The following KCNMB2 variants were observed in gnomAD, a reference collection of about 807,000 sequenced individuals.
The protein encoded by KCNMB2 is potassium calcium-activated channel subfamily M regulatory beta subunit 2.
KCNMB2 carries 9 observed loss-of-function variants against 24.5 expected under a neutral mutation model. That is an observed-to-expected ratio of 0.37 (90% CI 0.22 to 0.64). KCNMB2 has a LOEUF of 0.64. Ranked by LOEUF, KCNMB2 falls within the 30% of genes least tolerant of loss-of-function variation. The pLI is 0.63. For missense variants in KCNMB2, 226 were observed against 284.3 expected (o/e 0.79, Z 1.47); for synonymous variants, 109 against 104.4 (o/e 1.04, Z -0.27).
chr3:178,803,964 A>G (rs1713868604), intron 1 of KCNMB2, among the ~76,000 whole-genome samples: 1 of 152,138 alleles, frequency 6.6e-6, no homozygotes, highest in South Asian at 2.1e-4. Context: ...TAAGCTTTGA[A>G]TTTTCACATC....
intron 2 of KCNMB2, among the ~76,000 whole-genome samples, chr3:178,813,228 T>C (rs1714265310): frequency 6.6e-6 from 1 of 152,186 alleles, no homozygotes; most frequent in Admixed American, 6.5e-5. Context: ...ATTGAATTTA[T>C]TGACTAACTG....
chr3:178,584,035 G>A (rs1252562382), intron 1 of KCNMB2, among the ~76,000 whole-genome samples: 1 of 152,202 alleles, frequency 6.6e-6, no homozygotes, highest in African/African-American at 2.4e-5. Flanking sequence ...GTCATGTTTT[G>A]TAATGTCTAA....
chr3:178,700,596 C>G (rs997321848), intron 1 of KCNMB2, among the ~76,000 whole-genome samples: 4 of 152,190 alleles, frequency 2.6e-5, no homozygotes, highest in African/African-American at 9.7e-5. Context: ...TGGCCATTTC[C>G]TTACAGAAAA....
At chr3:178,778,722 G>A (rs149852860) in intron 1 of KCNMB2, among the ~76,000 whole-genome samples, 1 of 152,314 alleles carries the variant, frequency 6.6e-6, no homozygotes, top group African/African-American at 2.4e-5. Flanking sequence ...GGACTAGCCA[G>A]TTAGGCTCTC....
rs200839032 is a variant in KCNMB2 at position 178,815,124 on chromosome 3, T to A, written c.56+7659T>A. 4.6e-5 allele frequency among the ~76,000 whole-genome samples: 7 copies of A among 152,160 alleles called. No homozygotes were observed. In the East Asian group the frequency reaches 1.2e-3, roughly 25 times the overall value. The stretch of plus-strand genomic sequence containing the variant: ...ACTTTGGTTTCAGCAACTATACTAG[T>A]TTTTGTTTGTTTTTTGTTTTGTTTT... On this transcript the variant is annotated intron_variant, in intron 2 of 4. Transcript: ENST00000452583.
chr3:178,714,903 G>GA (rs1374713969), intron 1 of KCNMB2, among the ~76,000 whole-genome samples: 2 of 152,148 alleles, frequency 1.3e-5, no homozygotes, highest in Non-Finnish European at 2.9e-5. Context: ...CTTCTGTTTA[G>GA]AAAAAACAGC....
At chr3:178,788,725 T>C (rs1390948993) in intron 1 of KCNMB2, among the ~76,000 whole-genome samples, 1 of 152,216 alleles carries the variant, frequency 6.6e-6, no homozygotes, top group Non-Finnish European at 1.5e-5. Flanking sequence ...GATGGTCATT[T>C]CTGATAGCTG....
intron 1 of KCNMB2, among the ~76,000 whole-genome samples, chr3:178,586,539 T>G (rs9818438): frequency 3.7e-4 from 7 of 19,036 alleles, no homozygotes; most frequent in African/African-American, 2.4e-3. Context: ...TTTTTCTTTC[T>G]TTTTTTTTTT....
intron 1 of KCNMB2, among the ~76,000 whole-genome samples, chr3:178,778,193 A>C (rs775957540): frequency 6.6e-6 from 1 of 152,184 alleles, no homozygotes; most frequent in Non-Finnish European, 1.5e-5. Flanking sequence ...CAGTTTCAAG[A>C]AGGTGAAAAA....
intron 4 of KCNMB2, among the ~76,000 whole-genome samples, chr3:178,836,550 T>C (rs960755997): frequency 3.3e-5 from 5 of 152,122 alleles, no homozygotes; most frequent in Admixed American, 6.6e-5. Context: ...AAGATTTTAT[T>C]AACAAAACTC....
chr3:178,608,888 T>C (rs1167147921), intron 1 of KCNMB2, among the ~76,000 whole-genome samples: 1 of 152,246 alleles, frequency 6.6e-6, no homozygotes, highest in Non-Finnish European at 1.5e-5. Context: ...CCTGTTTATC[T>C]GTTGATGGAC....
chr3:178,781,348 T>G (rs1017957573), intron 1 of KCNMB2, among the ~76,000 whole-genome samples: 8 of 151,974 alleles, frequency 5.3e-5, no homozygotes, highest in Non-Finnish European at 7.4e-5. Flanking sequence ...TCCCAGCACT[T>G]TGGGAGGCTG....
intron 1 of KCNMB2, chr3:178,795,164 G>A (rs1442013560): frequency 6.6e-6 from 1 of 151,988 alleles, no homozygotes; most frequent in African/African-American, 2.4e-5. Flanking sequence ...GAAATGTACT[G>A]AAAAAGTCTA....
At chr3:178,617,855 C>T (rs1270603634) in intron 1 of KCNMB2, among the ~76,000 whole-genome samples, 3 of 145,432 alleles carry the variant, frequency 2.1e-5, no homozygotes, top group Non-Finnish European at 3.0e-5. Flanking sequence ...CACGCCACTG[C>T]ACTCCAGCCT....
chr3:178,780,436 T>C (rs958755105), intron 1 of KCNMB2, among the ~76,000 whole-genome samples: 4 of 152,214 alleles, frequency 2.6e-5, no homozygotes, highest in Non-Finnish European at 5.9e-5. Flanking sequence ...AAGGAGGGAT[T>C]GAAAGTTCCT....
intron 3 of KCNMB2, among the ~76,000 whole-genome samples, chr3:178,826,866 G>A (rs1329749363): frequency 1.3e-5 from 2 of 152,176 alleles, no homozygotes; most frequent in African/African-American, 4.8e-5. Context: ...TTCTATGAAA[G>A]TGCTGATGCC....
At chr3:178,827,986 C>A (rs9883312) in intron 3 of KCNMB2, among the ~76,000 whole-genome samples, 192 bp from the exon 4 acceptor site, 98,230 of 152,076 alleles carry the variant, frequency 0.65, 33,624 homozygotes, top group African/African-American at 0.87. Flanking sequence ...CACGTGTCCA[C>A]GTTTGTCTAT....
At chr3:178,776,186 C>G in intron 1 of KCNMB2, among the ~76,000 whole-genome samples, 1 of 152,142 alleles carries the variant, frequency 6.6e-6, no homozygotes, top group Middle Eastern at 3.2e-3. Context: ...TGCTCCAAAG[C>G]ACCTCTCATT....
intron 1 of KCNMB2, among the ~76,000 whole-genome samples, chr3:178,800,123 A>G (rs1713717920): frequency 6.6e-6 from 1 of 152,154 alleles, no homozygotes; most frequent in African/African-American, 2.4e-5. Flanking sequence ...CTAGGCAAAG[A>G]TTTCTTGAGC....
Sources: allele counts gnomAD v4.1 joint callset (sites outside exome capture counted in the v4.1 genomes callset), GRCh38; gene constraint gnomAD v4.1.1; transcripts MANE v1.5; gene names NCBI Gene and HGNC (gene_info 2026-07-23, HGNC 2026-07-21).